The following UBA2 variants were observed in gnomAD, a reference collection of about 807,000 sequenced individuals.
The protein encoded by UBA2 is SUMO-activating enzyme subunit 2.
In UBA2, 11 loss-of-function variants were observed where a neutral mutation model predicts 77.2. The observed-to-expected ratio is 0.14, with a 90% confidence interval of 0.09 to 0.24. UBA2 has a LOEUF of 0.24. Among genes scored for constraint, UBA2 ranks in the 10% least tolerant of loss-of-function variants. The pLI is 1.00. For missense variants in UBA2, 487 were observed against 781.7 expected, an observed-to-expected ratio of 0.62 and a Z score of 4.50; for synonymous variants, 278 against 276.7, an observed-to-expected ratio of 1.00 and a Z score of -0.05.
intron 10 of UBA2, 82 bp from the exon 11 acceptor site, chr19:34,454,178 C>A: frequency 8.2e-7 from 1 of 1,221,404 alleles, no homozygotes; most frequent in Non-Finnish European, 1.2e-6. Context: ...ATTATAAACA[C>A]GTGAAAGTAT....
At chr19:34,445,149 GATAGATGTATTGTTGTGC>G in intron 8 of UBA2, 28 bp downstream of exon 8, 1 of 1,598,796 alleles carries the variant, frequency 6.3e-7, no homozygotes, top group Non-Finnish European at 8.5e-7. Context: ...TATAATCATG[GATAGATGTATTGTTGTGC>G]ATAGATGTAT....
chr19:34,430,347 A>G (rs1053942407), intron 1 of UBA2, among the ~76,000 whole-genome samples: 1 of 152,232 alleles, frequency 6.6e-6, no homozygotes, highest in South Asian at 2.1e-4. Flanking sequence ...AAAATATACC[A>G]TTCTTTCAAA....
rs1568385563 is a variant in UBA2, at chr19:34,464,030, T to C, written c.1503T>C (p.Asn501=). 6.2e-7 allele frequency: 1 copy of C among 1,610,186 alleles called. No individual in the cohort carries two copies. The highest frequency in any genetic ancestry group is 8.5e-7 in the Non-Finnish European group (1 of 1,176,462). The change falls in exon 15 of 17, where the codon AAT becomes AAC. Residue 501 remains asparagine (N), a synonymous_variant. Coordinates refer to ENST00000246548, the MANE Select transcript of UBA2 (RefSeq NM_005499.3). ...ISSEEGETEA[N]NHKKLSEFGI... ...TAAATTATTCACGTTTCCTAGCTAA[T>C]AATCACAAGAAGTTGTCAGAATTTG...
chr19:34,460,432 T>C (rs1012595529), intron 13 of UBA2, 38 bp from the exon 14 acceptor site: 1 of 1,278,752 alleles, frequency 7.8e-7, no homozygotes, highest in Non-Finnish European at 1.1e-6. Context: ...TTTAATTACC[T>C]ACGTTAATAT....
At chr19:34,462,635 CAAA>C (rs200589452) in intron 14 of UBA2, among the ~76,000 whole-genome samples, 12 of 148,770 alleles carry the variant, frequency 8.1e-5, no homozygotes, top group Non-Finnish European at 1.3e-4. Flanking sequence ...GTTAAAAAGC[CAAA>C]AAAAAAGTGG....
intron 5 of UBA2, among the ~76,000 whole-genome samples, chr19:34,436,829 A>G (rs1401603727): frequency 1.3e-5 from 2 of 152,202 alleles, no homozygotes; most frequent in Non-Finnish European, 2.9e-5. Flanking sequence ...TAACTGTTAA[A>G]TGTTATTCTT....
At chr19:34,453,151 G>T (rs1391398208) in intron 10 of UBA2, among the ~76,000 whole-genome samples, 13 of 152,124 alleles carry the variant, frequency 8.5e-5, no homozygotes, top group Admixed American at 8.5e-4. Context: ...ATGAGATGGG[G>T]ATATAATTTC....
intron 5 of UBA2, among the ~76,000 whole-genome samples, chr19:34,435,518 T>G (rs770965639): frequency 6.6e-6 from 1 of 151,982 alleles, no homozygotes. Flanking sequence ...GTAAGCATGA[T>G]ATACCAGGCA....
intron 6 of UBA2, among the ~76,000 whole-genome samples, chr19:34,439,606 GAT>G (rs1382585076): frequency 6.6e-6 from 1 of 152,160 alleles, no homozygotes; most frequent in Admixed American, 6.5e-5. Flanking sequence ...GAGATGGGAG[GAT>G]CCCTTGAGCC....
chr19:34,439,035 A>G (rs112654553), intron 6 of UBA2, among the ~76,000 whole-genome samples: 4 of 152,098 alleles, frequency 2.6e-5, no homozygotes, highest in African/African-American at 7.2e-5. Context: ...ATGGTGAAAC[A>G]CATCTCTACT....
At chr19:34,449,069 T>C (rs1366482618) in intron 8 of UBA2, among the ~76,000 whole-genome samples, 2 of 135,558 alleles carry the variant, frequency 1.5e-5, no homozygotes, top group African/African-American at 5.5e-5. Flanking sequence ...ATAAATCTTT[T>C]TTTTTTTTTT....
At chr19:34,443,514 T>C (rs372039082) in intron 6 of UBA2, among the ~76,000 whole-genome samples, 10 of 149,830 alleles carry the variant, frequency 6.7e-5, no homozygotes, top group Non-Finnish European at 1.2e-4. Flanking sequence ...CAGTCTCGGC[T>C]CACTGCAACC....
At chr19:34,444,250 G>T (rs551176489) in intron 7 of UBA2, among the ~76,000 whole-genome samples, 1 of 151,878 alleles carries the variant, frequency 6.6e-6, no homozygotes, top group East Asian at 1.9e-4. Flanking sequence ...TAGAGACAGG[G>T]TTTCACCATG....
chr19:34,451,914 A>G, intron 9 of UBA2, 67 bp from the exon 10 acceptor site: 1 of 878,776 alleles, frequency 1.1e-6, no homozygotes, highest in Non-Finnish European at 1.6e-6. Context: ...TGAACTTGTT[A>G]AACAGAGCAC....
At position 34,454,435 on chromosome 19, in the gene UBA2, T is replaced by A; in HGVS notation, c.1133-9T>A. On this transcript the variant is annotated splice_polypyrimidine_tract_variant and intron_variant, in intron 11 of 16. Coordinates refer to ENST00000246548, the MANE Select transcript of UBA2 (RefSeq NM_005499.3). ...GTGAAACATACTCATCCTTTTTTTT[T>A]TTTCCCAGCAATGGCAGGGAACATT... is the stretch of plus-strand genomic sequence containing the variant. The A allele has an allele frequency of 6.3e-7, 1 of 1,587,940 alleles. No homozygotes were observed. Among genetic ancestry groups the A allele is most frequent in the Non-Finnish European group, 8.6e-7 (1 of 1,169,166 alleles).
At chr19:34,432,963 G>A in intron 3 of UBA2, among the ~76,000 whole-genome samples, 1 of 152,102 alleles carries the variant, frequency 6.6e-6, no homozygotes, top group Non-Finnish European at 1.5e-5. Flanking sequence ...AGAGACCCTA[G>A]GGGCCTGAAC....
At chr19:34,433,471 GT>G in intron 4 of UBA2, 59 bp downstream of exon 4, 1 of 1,175,722 alleles carries the variant, frequency 8.5e-7, no homozygotes. Context: ...TATCAAATTT[GT>G]TTACAAATTT....
At chr19:34,466,296 A>G (rs187778662) in intron 15 of UBA2, among the ~76,000 whole-genome samples, 5 of 152,312 alleles carry the variant, frequency 3.3e-5, no homozygotes, top group East Asian at 3.9e-4. Flanking sequence ...AGATCACGCT[A>G]CTGCACTCTA....
At chr19:34,429,108 T>A (rs1029929993) in intron 1 of UBA2, 1 of 983,004 alleles carries the variant, frequency 1.0e-6, no homozygotes, top group Non-Finnish European at 1.2e-6. Flanking sequence ...CCCTGCTTTA[T>A]TTTTAACAGA....
Sources: gnomAD v4.1 joint callset for allele counts (sites outside exome capture counted in the v4.1 genomes callset) on GRCh38, gnomAD v4.1.1 for gene constraint, MANE v1.5 for transcripts, NCBI Gene and HGNC (gene_info 2026-07-23, HGNC 2026-07-21) for gene names.